Variants in DGKI observed in about 807,000 individuals in gnomAD.
The protein encoded by DGKI is DAG kinase iota.
In DGKI, 55 loss-of-function variants were observed where a neutral mutation model predicts 147.5. The observed-to-expected ratio is 0.37, with a 90% CI of 0.30 to 0.47. DGKI has a LOEUF of 0.47. DGKI is among the 20% of genes least tolerant of loss of function. The probability of loss-of-function intolerance (pLI) is 1.00; values close to 1 mark genes in which losing one functional copy is unlikely to be tolerated. For synonymous variants in DGKI, 469 were observed against 477.1 expected, an observed-to-expected ratio of 0.98 and a Z score of 0.22; for missense variants, 1,007 against 1,323.8, an observed-to-expected ratio of 0.76 and a Z score of 3.71.
intron 1 of DGKI, among the ~76,000 whole-genome samples, chr7:137,798,593 T>G (rs1563202519): frequency 2.0e-5 from 3 of 152,212 alleles, no homozygotes; most frequent in South Asian, 4.1e-4. Context: ...CTAATTTTTG[T>G]ATTTTTTGTA....
At chr7:137,765,072 T>C (rs1213424688) in intron 1 of DGKI, among the ~76,000 whole-genome samples, 1 of 152,220 alleles carries the variant, frequency 6.6e-6, no homozygotes, top group Non-Finnish European at 1.5e-5. Flanking sequence ...ACCTGCTAAT[T>C]GCCCTTCTCT....
chr7:137,632,180 T>C (rs1166202287), intron 6 of DGKI, among the ~76,000 whole-genome samples: 9 of 152,326 alleles, frequency 5.9e-5, no homozygotes, highest in African/African-American at 2.2e-4. Flanking sequence ...AGATGGATTA[T>C]CGGATAAAAG....
At chr7:137,431,631 G>A (rs1813074994) in intron 28 of DGKI, among the ~76,000 whole-genome samples, 2 of 152,154 alleles carry the variant, frequency 1.3e-5, no homozygotes, top group African/African-American at 4.8e-5. Context: ...CAGGGCACAG[G>A]TATCTCCAAA....
intron 1 of DGKI, among the ~76,000 whole-genome samples, chr7:137,839,492 A>G (rs929016628): frequency 6.6e-6 from 1 of 152,246 alleles, no homozygotes; most frequent in Non-Finnish European, 1.5e-5. Context: ...TATAGCATGT[A>G]CTTTGTGACT....
intron 23 of DGKI, among the ~76,000 whole-genome samples, chr7:137,478,529 G>A (rs763753409): frequency 9.2e-5 from 14 of 152,244 alleles, no homozygotes; most frequent in African/African-American, 2.6e-4. Context: ...AGTAACTCTC[G>A]TTACTAATCC....
At chr7:137,635,873 G>A (rs2129003433) in intron 6 of DGKI, among the ~76,000 whole-genome samples, 3 of 152,306 alleles carry the variant, frequency 2.0e-5, no homozygotes, top group Non-Finnish European at 4.4e-5. Flanking sequence ...TGTGCTTCTG[G>A]TCCCCAGAGC....
intron 21 of DGKI, among the ~76,000 whole-genome samples, chr7:137,503,429 A>G (rs970531666): frequency 3.3e-5 from 5 of 152,176 alleles, no homozygotes; most frequent in African/African-American, 1.2e-4. Context: ...CAAACCAAAC[A>G]TAAAACAAAA....
intron 1 of DGKI, among the ~76,000 whole-genome samples, chr7:137,806,849 T>C (rs1797387606): frequency 6.6e-6 from 1 of 152,120 alleles, no homozygotes; most frequent in South Asian, 2.1e-4. Flanking sequence ...AAAAGTGGAA[T>C]AAGAACTGTA....
At chr7:137,531,968 C>G (rs935257652) in intron 20 of DGKI, among the ~76,000 whole-genome samples, 1 of 151,582 alleles carries the variant, frequency 6.6e-6, no homozygotes, top group South Asian at 2.1e-4. Flanking sequence ...TTTAAAACAG[C>G]ATTTTAACCA....
At chr7:137,668,027 C>A (rs979824724) in intron 3 of DGKI, among the ~76,000 whole-genome samples, 2 of 152,248 alleles carry the variant, frequency 1.3e-5, no homozygotes, top group African/African-American at 4.8e-5. Flanking sequence ...GACTGTGCAA[C>A]TTGCCCAAGA....
At chr7:137,555,739 A>G (rs1024084988) in intron 19 of DGKI, among the ~76,000 whole-genome samples, 1 of 152,102 alleles carries the variant, frequency 6.6e-6, no homozygotes, top group African/African-American at 2.4e-5. Context: ...TTATCAAAAA[A>G]TGTTCCTCAT....
intron 1 of DGKI, among the ~76,000 whole-genome samples, chr7:137,739,926 A>T (rs1378034863): frequency 3.3e-5 from 5 of 152,300 alleles, no homozygotes; most frequent in Admixed American, 1.3e-4. Context: ...TGTTGGTTGA[A>T]CTATTCCCAC....
At chr7:137,646,708 T>C (rs915405831) in intron 5 of DGKI, among the ~76,000 whole-genome samples, 1 of 152,230 alleles carries the variant, frequency 6.6e-6, no homozygotes, top group Admixed American at 6.5e-5. Context: ...CCATAACCCT[T>C]ATTTTCTCTT....
At chr7:137,504,329 G>A (rs999941247) in intron 21 of DGKI, among the ~76,000 whole-genome samples, 2 of 152,170 alleles carry the variant, frequency 1.3e-5, no homozygotes, top group Non-Finnish European at 2.9e-5. Flanking sequence ...TGAAGCCATT[G>A]ACCTATTCAA....
intron 12 of DGKI, among the ~76,000 whole-genome samples, chr7:137,589,033 A>G (rs1407968952): frequency 6.6e-6 from 1 of 152,174 alleles, no homozygotes; most frequent in Non-Finnish European, 1.5e-5. Flanking sequence ...GGAACCCTTA[A>G]ATAAAGAACT....
At chr7:137,408,916 T>C (rs1812061130) in intron 29 of DGKI, among the ~76,000 whole-genome samples, 1 of 152,148 alleles carries the variant, frequency 6.6e-6, no homozygotes, top group Non-Finnish European at 1.5e-5. Context: ...ACCCAGCAGG[T>C]AATAAGCAAA....
At chr7:137,497,298 C>T (rs1816003665) in intron 21 of DGKI, among the ~76,000 whole-genome samples, 1 of 152,106 alleles carries the variant, frequency 6.6e-6, no homozygotes, top group Admixed American at 6.5e-5. Context: ...ATGACAGATG[C>T]TGATGAGGTT....
intron 1 of DGKI, chr7:137,843,359 A>G: frequency 1.0e-6 from 1 of 953,240 alleles, no homozygotes; most frequent in Non-Finnish European, 1.2e-6. Context: ...GCAAAGAAAA[A>G]CGAAGTAGTA....
intron 21 of DGKI, among the ~76,000 whole-genome samples, chr7:137,507,981 C>T (rs1360880266): frequency 6.6e-6 from 1 of 151,982 alleles, no homozygotes; most frequent in Non-Finnish European, 1.5e-5. Context: ...TCTAAGGAAC[C>T]ACAGCATGAA....
Sources: gnomAD v4.1 joint callset for allele counts (sites outside exome capture counted in the v4.1 genomes callset) on GRCh38, gnomAD v4.1.1 for gene constraint, MANE v1.5 for transcripts, NCBI Gene and HGNC (gene_info 2026-07-23, HGNC 2026-07-21) for gene names.